Variants in ALG9 observed in about 807,000 individuals in gnomAD.
ALG9 encodes ALG9 alpha-1,2-mannosyltransferase, also known as alpha-1,2-mannosyltransferase ALG9.
ALG9 carries 55 observed loss-of-function variants against 81.8 expected under a neutral mutation model. That is an observed-to-expected ratio of 0.67 (90% CI 0.54 to 0.84). ALG9 has a LOEUF of 0.84. Among genes scored for constraint, ALG9 ranks in the 40% least tolerant of loss-of-function variants. The pLI is 0.00. For synonymous variants in ALG9, 278 were observed against 274.3 expected (o/e 1.01, Z -0.13); for missense variants, 629 against 745.0 (o/e 0.84, Z 1.81).
chr11:111,815,844 T>A (rs1447341250), intron 13 of ALG9, among the ~76,000 whole-genome samples: 2 of 152,230 alleles, frequency 1.3e-5, no homozygotes, highest in African/African-American at 4.8e-5. Context: ...CTTGACCAGC[T>A]CTATGAAATG....
intron 6 of ALG9, among the ~76,000 whole-genome samples, chr11:111,855,215 T>C (rs1387015675): frequency 1.3e-5 from 2 of 152,236 alleles, no homozygotes; most frequent in East Asian, 3.8e-4. Flanking sequence ...CTTCTCCCTC[T>C]GTGTATGTTT....
chr11:111,852,929 T>G (rs1958054675), intron 8 of ALG9, among the ~76,000 whole-genome samples: 1 of 138,056 alleles, frequency 7.2e-6, no homozygotes, highest in Non-Finnish European at 1.5e-5. Flanking sequence ...GCAACAAGAG[T>G]CTAACTCCAC....
intron 14 of ALG9, among the ~76,000 whole-genome samples, chr11:111,796,971 TAAG>T (rs2136276870): frequency 6.6e-6 from 1 of 152,316 alleles, no homozygotes; most frequent in East Asian, 1.9e-4. Context: ...ATCTGGGTAA[TAAG>T]AAGTTGCAGA....
the ALG9 span, among the ~76,000 whole-genome samples, chr11:111,775,948 A>T: frequency 2.0e-5 from 3 of 152,204 alleles, no homozygotes; most frequent in East Asian, 5.8e-4. Context: ...CTTGGGCAAG[A>T]CACTTAATAA....
chr11:111,865,612 G>A (rs1300589947), intron 3 of ALG9, among the ~76,000 whole-genome samples: 1 of 152,204 alleles, frequency 6.6e-6, no homozygotes, highest in East Asian at 1.9e-4. Context: ...TACAAAGATA[G>A]TGAAAACATT....
intron 3 of ALG9, 38 bp downstream of exon 3, chr11:111,868,564 G>C: frequency 6.2e-7 from 1 of 1,605,484 alleles, no homozygotes; most frequent in South Asian, 1.1e-5. Context: ...CTCACCTCTT[G>C]ATCAATTGTG....
intron 13 of ALG9, among the ~76,000 whole-genome samples, chr11:111,823,428 A>T (rs1461381824): frequency 6.6e-6 from 1 of 152,202 alleles, no homozygotes; most frequent in Non-Finnish European, 1.5e-5. Context: ...TTGCTTTTAC[A>T]CTGCCAAGTC....
chr11:111,780,301 CAGG>C (rs782436982), downstream of ALG9, among the ~76,000 whole-genome samples: 28 of 152,170 alleles, frequency 1.8e-4, no homozygotes, highest in Non-Finnish European at 3.7e-4. Flanking sequence ...ACTTGTATTT[CAGG>C]AGAATTGGCG....
chr11:111,801,912 A>G (rs1949178825), intron 14 of ALG9, among the ~76,000 whole-genome samples: 2 of 152,258 alleles, frequency 1.3e-5, no homozygotes, highest in African/African-American at 4.8e-5. Context: ...ATGAAGGCAC[A>G]ATAGAGCCCT....
chr11:111,848,410 C>T (rs1194796659), intron 8 of ALG9, among the ~76,000 whole-genome samples: 1 of 151,764 alleles, frequency 6.6e-6, no homozygotes, highest in East Asian at 1.9e-4. Context: ...CCAGCTTGAC[C>T]AACATGGAGA....
chr11:111,859,751 T>C (rs1959368606), intron 5 of ALG9, among the ~76,000 whole-genome samples: 1 of 152,060 alleles, frequency 6.6e-6, no homozygotes, highest in South Asian at 2.1e-4. Context: ...AACATCAATT[T>C]TGATATATTC....
At chr11:111,864,961 G>T (rs1191270327) in intron 4 of ALG9, among the ~76,000 whole-genome samples, 1 of 152,162 alleles carries the variant, frequency 6.6e-6, no homozygotes, top group Non-Finnish European at 1.5e-5. Context: ...ATTTTTAGTA[G>T]AGATGGGGTT....
chr11:111,776,026 G>GT, the ALG9 span, among the ~76,000 whole-genome samples: 1 of 152,100 alleles, frequency 6.6e-6, no homozygotes, highest in Non-Finnish European at 1.5e-5. Flanking sequence ...TCATAAGGTT[G>GT]TTGTGACGAC....
intron 14 of ALG9, chr11:111,805,338 G>T (rs1305618900): frequency 2.2e-6 from 1 of 455,936 alleles, no homozygotes; most frequent in Non-Finnish European, 4.4e-6. Context: ...AACGTTTGTT[G>T]TTTAAGCCAC....
chr11:111,833,197 C>T (rs1555114513), intron 13 of ALG9, among the ~76,000 whole-genome samples: 11 of 152,108 alleles, frequency 7.2e-5, no homozygotes, highest in Non-Finnish European at 1.6e-4. Flanking sequence ...AGATTTGGAG[C>T]TGGAAGTGTA....
At chr11:111,779,638 C>T (rs930775538), downstream of ALG9, among the ~76,000 whole-genome samples, 2 of 151,896 alleles carry the variant, frequency 1.3e-5, no homozygotes, top group African/African-American at 4.8e-5. Context: ...GGTGTGAGCC[C>T]CCTCATCCAG....
chr11:111,808,774 TC>T (rs1555087901), intron 14 of ALG9, among the ~76,000 whole-genome samples: 4 of 152,258 alleles, frequency 2.6e-5, no homozygotes, highest in African/African-American at 9.6e-5. Flanking sequence ...TCTCCTTAAC[TC>T]CAACTGTCTG....
At chr11:111,819,468 C>CT (rs1317568627) in intron 13 of ALG9, among the ~76,000 whole-genome samples, 1 of 152,226 alleles carries the variant, frequency 6.6e-6, no homozygotes, top group African/African-American at 2.4e-5. Flanking sequence ...CATGAATCCT[C>CT]TAAGAGTCCA....
chr11:111,868,002 C>A (rs1963044909), intron 3 of ALG9, among the ~76,000 whole-genome samples: 1 of 152,200 alleles, frequency 6.6e-6, no homozygotes, highest in African/African-American at 2.4e-5. Flanking sequence ...GGACTAATAA[C>A]AAAAGATCTG....
Sources: gnomAD v4.1 joint callset for allele counts (sites outside exome capture counted in the v4.1 genomes callset) on GRCh38, gnomAD v4.1.1 for gene constraint, MANE v1.5 for transcripts, NCBI Gene and HGNC (gene_info 2026-07-23, HGNC 2026-07-21) for gene names.